The following CDH23 variants were observed in gnomAD, a reference collection of about 807,000 sequenced individuals.
The protein encoded by CDH23 is cadherin related 23.
CDH23 carries 189 observed loss-of-function variants against 317.1 expected under a neutral mutation model. That is an observed-to-expected ratio of 0.60 (90% CI 0.53 to 0.67). The LOEUF (loss-of-function observed/expected upper bound fraction) is 0.67, where lower values mean the gene tolerates loss of function less well. CDH23 is among the 30% of genes least tolerant of loss of function. The probability of loss-of-function intolerance (pLI) is 0.00; values close to 1 mark genes in which losing one functional copy is unlikely to be tolerated. For synonymous variants in CDH23, 1,839 were observed against 1,876.8 expected, an observed-to-expected ratio of 0.98 and a Z score of 0.52; for missense variants, 4,401 against 4,592.4, an observed-to-expected ratio of 0.96 and a Z score of 1.20.
At chr10:71,450,773 C>A (rs1359056557) in intron 3 of CDH23, among the ~76,000 whole-genome samples, 1 of 152,108 alleles carries the variant, frequency 6.6e-6, no homozygotes, top group Non-Finnish European at 1.5e-5. Flanking sequence ...CAGGGCTCAG[C>A]TCTTGTCTCT....
At chr10:71,757,833 G>A (rs1840190148) in intron 38 of CDH23, among the ~76,000 whole-genome samples, 1 of 152,202 alleles carries the variant, frequency 6.6e-6, no homozygotes, top group African/African-American at 2.4e-5. Context: ...ACATTCTGCT[G>A]CGCTGGGGGG....
rs1456307157 is a variant in CDH23, at chr10:71,812,857, G to A, written c.9600G>A (p.Lys3200=). 7 of 1,613,736 alleles carry A rather than the reference G, an allele frequency of 4.3e-6. No homozygotes were observed. Among genetic ancestry groups the A allele is most frequent in the Non-Finnish European group, 5.9e-6 (7 of 1,179,772 alleles). The change falls in exon 68 of 70, where the codon AAG becomes AAA. Residue 3200 remains lysine, a synonymous_variant. Transcript: ENST00000224721. The part of the protein sequence containing the change: ...AAIQEYDNIA[K]LGQIIREGPI... The stretch of plus-strand genomic sequence containing the variant: ...TCCAGGAGTATGACAACATTGCCAA[G>A]CTGGGCCAGATCATTCGTGAGGGGC...
chr10:71,479,955 T>C (rs1851983720), intron 3 of CDH23, among the ~76,000 whole-genome samples: 2 of 152,082 alleles, frequency 1.3e-5, no homozygotes, highest in African/African-American at 4.8e-5. Context: ...AAAATGCAAA[T>C]TGGGTGACTC....
rs377178001 is a variant in CDH23, at chr10:71,733,512, C to T, written c.4105-728C>T. Among the ~76,000 whole-genome samples, 8 of 152,236 alleles carry T rather than the reference C, an allele frequency of 5.3e-5. No individual in the cohort carries two copies. The East Asian group carries it at 1.2e-3, about 22-fold the overall frequency. Reference sequence around the variant, plus strand: ...CAACCGAGGACCCCACCAAGAGTTGCCTCATTAGAACAAAAGACTCCTATC... The same window carrying T: ...CAACCGAGGACCCCACCAAGAGTTGTCTCATTAGAACAAAAGACTCCTATC... On this transcript the variant is annotated intron_variant, in intron 32 of 69. Transcript: ENST00000224721.
At chr10:71,446,491 A>G (rs1434489165) in intron 3 of CDH23, 96 bp downstream of exon 3, 1 of 1,279,572 alleles carries the variant, frequency 7.8e-7, no homozygotes, top group African/African-American at 1.5e-5. Context: ...GTCATCTTCC[A>G]CCTGATTTTG....
intron 41 of CDH23, among the ~76,000 whole-genome samples, chr10:71,782,212 G>C (rs7899470): frequency 1.3e-5 from 2 of 151,976 alleles, no homozygotes; most frequent in African/African-American, 4.8e-5. Context: ...AGCCTCTCCC[G>C]CCAGCGCCTG....
chr10:71,454,848 T>A (rs549428378), intron 3 of CDH23, among the ~76,000 whole-genome samples: 36 of 131,634 alleles, frequency 2.7e-4, no homozygotes, highest in African/African-American at 5.1e-4. Flanking sequence ...ACATTTTATT[T>A]TTTTTTTTTT....
At chr10:71,613,124 C>T (rs1294724295) in intron 9 of CDH23, among the ~76,000 whole-genome samples, 1 of 152,240 alleles carries the variant, frequency 6.6e-6, no homozygotes, top group Non-Finnish European at 1.5e-5. Context: ...GCTGGGATTA[C>T]AGGCATGAGC....
chr10:71,672,993 G>T (rs967849658), intron 14 of CDH23, among the ~76,000 whole-genome samples: 3 of 152,034 alleles, frequency 2.0e-5, no homozygotes, highest in Non-Finnish European at 2.9e-5. Context: ...CTCCTAGCCT[G>T]CTGTCTCTCC....
At chr10:71,680,829 C>CTTTTTTTTTTTTTTTTTTTTTT (rs1312991062) in intron 17 of CDH23, among the ~76,000 whole-genome samples, 7 of 70,128 alleles carry the variant, frequency 1.0e-4, no homozygotes, top group African/African-American at 1.2e-4. Flanking sequence ...TTTTCTTTTT[C>CTTTTTTTTTTTTTTTTTTTTTT]TTTTTTTTTT....
chr10:71,811,623 C>T lies in CDH23; in HGVS notation c.9278+33C>T, dbSNP rs768495824. 26 of 1,613,710 alleles carry T rather than the reference C, an allele frequency of 1.6e-5. 1 individual carries two copies. The highest frequency in any genetic ancestry group is 4.4e-5 in the South Asian group (4 of 91,074). ...TCCCCCACCCCTGCCATCAGGGGGC[C>T]GACCACCTGCTCCCGGATGGCCACG... On this transcript the variant is annotated intron_variant, in intron 64 of 69. Coordinates refer to ENST00000224721, the MANE Select transcript of CDH23 (RefSeq NM_022124.6).
chr10:71,453,122 G>A (rs1396529519), intron 3 of CDH23, among the ~76,000 whole-genome samples: 2 of 152,176 alleles, frequency 1.3e-5, no homozygotes. Context: ...CACCCCAAAA[G>A]CATCTTAAGC....
intron 11 of CDH23, among the ~76,000 whole-genome samples, chr10:71,620,540 C>G (rs1445623652): frequency 6.6e-6 from 1 of 152,174 alleles, no homozygotes; most frequent in Non-Finnish European, 1.5e-5. Flanking sequence ...CCAGGAGTAT[C>G]TGGGTCCAAC....
chr10:71,474,006 G>T (rs1851655394), intron 3 of CDH23, among the ~76,000 whole-genome samples: 1 of 152,192 alleles, frequency 6.6e-6, no homozygotes, highest in Non-Finnish European at 1.5e-5. Flanking sequence ...AGGAGCTGCC[G>T]CTAATGAGCG....
chr10:71,752,571 T>G (rs1251447171), intron 38 of CDH23, among the ~76,000 whole-genome samples: 1 of 152,172 alleles, frequency 6.6e-6, no homozygotes, highest in Non-Finnish European at 1.5e-5. Flanking sequence ...GCCTCTGCCC[T>G]TGTGGCCTGC....
At chr10:71,457,876 A>G (rs1205622641) in intron 3 of CDH23, among the ~76,000 whole-genome samples, 2 of 152,240 alleles carry the variant, frequency 1.3e-5, no homozygotes, top group Non-Finnish European at 2.9e-5. Context: ...AGCCTTTTCC[A>G]GTGACCAGTG....
intron 8 of CDH23, among the ~76,000 whole-genome samples, chr10:71,572,284 C>G (rs1224478432): frequency 6.6e-6 from 1 of 151,382 alleles, no homozygotes; most frequent in Non-Finnish European, 1.5e-5. Flanking sequence ...AGCCCCTTTT[C>G]TCTCTGCCCC....
chr10:71,723,934 T>A, intron 28 of CDH23, 111 bp from the exon 29 acceptor site: 2 of 1,239,020 alleles, frequency 1.6e-6, no homozygotes, highest in Non-Finnish European at 2.3e-6. Context: ...AGACCACAGG[T>A]TTTGGCAGGA....
chr10:71,514,182 G>A (rs1854148345), intron 6 of CDH23, among the ~76,000 whole-genome samples: 1 of 152,154 alleles, frequency 6.6e-6, no homozygotes, highest in Non-Finnish European at 1.5e-5. Flanking sequence ...GGGAAGTGAT[G>A]AATCAGAGGG....
Sources: gnomAD v4.1 joint callset for allele counts (sites outside exome capture counted in the v4.1 genomes callset) on GRCh38, gnomAD v4.1.1 for gene constraint, MANE v1.5 for transcripts, NCBI Gene and HGNC (gene_info 2026-07-23, HGNC 2026-07-21) for gene names.